The following SPRING1 variants were observed in gnomAD, a reference collection of about 807,000 sequenced individuals.
SPRING1 encodes the protein SREBF pathway regulator in golgi 1, also known as SREBP regulating gene protein.
A neutral mutation model predicts 24.7 loss-of-function variants in SPRING1; 14 were observed. That is an observed-to-expected ratio of 0.57 (90% CI 0.37 to 0.88). The LOEUF (loss-of-function observed/expected upper bound fraction) is 0.88. SPRING1 is among the 40% of genes least tolerant of loss of function. SPRING1 has a pLI of 0.00. For synonymous variants in SPRING1, 93 were observed against 106.1 expected, an observed-to-expected ratio of 0.88 and a Z score of 0.76; for missense variants, 255 against 268.4, an observed-to-expected ratio of 0.95 and a Z score of 0.35.
At chr12:116,726,195 A>G (rs11068165) in intron 1 of SPRING1, among the ~76,000 whole-genome samples, 231 of 152,326 alleles carry the variant, frequency 1.5e-3, no homozygotes, top group Non-Finnish European at 2.6e-3. Flanking sequence ...TAGTAAACAC[A>G]TCCTCTATAG....
At chr12:116,731,628 T>C (rs1182840873) in intron 1 of SPRING1, among the ~76,000 whole-genome samples, 1 of 152,096 alleles carries the variant, frequency 6.6e-6, no homozygotes, top group African/African-American at 2.4e-5. Context: ...CCCACGCCTG[T>C]AGTCCCAACT....
rs756449948 is a variant in SPRING1, at chr12:116,712,972, A to C, written c.*4838T>G. 2.6e-5 allele frequency: 4 copies of C among 152,432 alleles called. No homozygotes were observed. The highest frequency in any genetic ancestry group is 5.9e-5 in the Non-Finnish European group (4 of 68,236). The allele number at this position is 152,432 out of a possible 1,614,324, so 9.4% of individuals were successfully genotyped here. A position where few individuals can be genotyped will look rare whatever the true frequency, so the allele number is the denominator to read the frequency against. ...AAAGCAAGGGCGGGGAAAAATAATG[A>C]AGTCAGCACTCAGCTACCAGGAGCT... On this transcript the variant is annotated 3_prime_UTR_variant, in exon 5 of 5. Transcript: ENST00000261318.
rs556888897 is a variant in SPRING1, at chr12:116,730,812, C to T, written c.111+6978G>A. Among the ~76,000 whole-genome samples, 7 of 152,364 alleles carry T rather than the reference C, an allele frequency of 4.6e-5. No individual in the cohort carries two copies. In the East Asian group the frequency reaches 1.3e-3, roughly 29 times the overall value. On this transcript the variant is annotated intron_variant, in intron 1 of 4. Transcript: ENST00000261318. ...AGTTACAAGCTAAGCGTAGCAGATACGCATTTTCCAAAATTCTAATTTTCA... is the reference window on the plus strand; with the variant it reads ...AGTTACAAGCTAAGCGTAGCAGATATGCATTTTCCAAAATTCTAATTTTCA...
At position 116,728,525 on chromosome 12, in the gene SPRING1, A is replaced by G. The variant is rs1002573799; in HGVS notation, c.112-5302T>C. On this transcript the variant is annotated intron_variant, in intron 1 of 4. Coordinates refer to ENST00000261318, the MANE Select transcript of SPRING1 (RefSeq NM_024738.4). The surrounding 1 kb of genome is among the most constrained non-coding windows in gnomAD (Gnocchi z 4.2). ...ATCTCTACAATTTAAGTTATCCCCC[A>G]TAGCATTAATTAACATGAAAACCAA... is the stretch of plus-strand genomic sequence containing the variant. 5.3e-5 allele frequency among the ~76,000 whole-genome samples: 8 copies of G among 152,210 alleles called. No homozygotes were observed. Among genetic ancestry groups the G allele is most frequent in the African/African-American group, 2.4e-5 (1 of 41,456 alleles).
chr12:116,734,553 T>C (rs1871139328), intron 1 of SPRING1, among the ~76,000 whole-genome samples: 1 of 152,198 alleles, frequency 6.6e-6, no homozygotes, highest in Admixed American at 6.5e-5. Context: ...AAGACTCACT[T>C]GTTTGTTCAA....
At position 116,713,568 on chromosome 12, in the gene SPRING1, T is replaced by C. The variant is rs904208457; in HGVS notation, c.*4242A>G. The C allele has an allele frequency of 2.6e-5, 4 of 152,226 alleles. No individual in the cohort carries two copies. Among genetic ancestry groups the C allele is most frequent in the African/African-American group, 9.6e-5 (4 of 41,458 alleles). The allele number at this position is 152,226 out of a possible 1,614,324, so 9.4% of individuals were successfully genotyped here. A position where few individuals can be genotyped will look rare whatever the true frequency, so the allele number is the denominator to read the frequency against. On this transcript the variant is annotated 3_prime_UTR_variant, in exon 5 of 5. Transcript: ENST00000261318. ...GACACTTCCATACACACTAGGTGAA[T>C]ATATTGGTGAAAATAGTTCAGATAA...
intron 1 of SPRING1, among the ~76,000 whole-genome samples, chr12:116,724,442 G>A (rs1318696056): frequency 6.6e-6 from 1 of 152,298 alleles, no homozygotes; most frequent in East Asian, 1.9e-4. Flanking sequence ...CCTGCCGGGT[G>A]TGGTGGCTCA....
intron 1 of SPRING1, among the ~76,000 whole-genome samples, chr12:116,723,629 A>G (rs770731041): frequency 7.2e-5 from 11 of 152,268 alleles, no homozygotes; most frequent in Non-Finnish European, 1.6e-4. Context: ...CACTTTTTAA[A>G]GAGCAGAAGA....
At chr12:116,736,165 C>T (rs1262194734) in intron 1 of SPRING1, among the ~76,000 whole-genome samples, 1 of 145,946 alleles carries the variant, frequency 6.9e-6, no homozygotes, top group African/African-American at 2.5e-5. Context: ...TTGGGGATTT[C>T]TGGACAGATC....
Position 116,720,246 on chromosome 12 carries a change from A to C in SPRING1, c.420+50T>G, listed in dbSNP as rs576717796. On this transcript the variant is annotated intron_variant, in intron 3 of 4. Coordinates refer to ENST00000261318, the MANE Select transcript of SPRING1 (RefSeq NM_024738.4). The surrounding 1 kb of genome is among the most constrained non-coding windows in gnomAD (Gnocchi z 4.0). ...AAGAGCCTAATGCTCATCATAAAAC[A>C]GAGGCCGAAAGAAAAAAGGAGCCGC... 6.5e-5 allele frequency: 101 copies of C among 1,551,482 alleles called. 1 individual carries two copies. In the South Asian group the frequency reaches 1.2e-3, roughly 18 times the overall value.
intron 1 of SPRING1, among the ~76,000 whole-genome samples, chr12:116,726,247 G>GC (rs1870681921): frequency 6.6e-6 from 1 of 152,152 alleles, no homozygotes; most frequent in African/African-American, 2.4e-5. Flanking sequence ...AGATAATACT[G>GC]CAATAAAATG....
intron 1 of SPRING1, among the ~76,000 whole-genome samples, chr12:116,734,420 G>A (rs1219631765): frequency 6.6e-6 from 1 of 152,184 alleles, no homozygotes; most frequent in Non-Finnish European, 1.5e-5. Flanking sequence ...AAATGAAGAT[G>A]ATGTATCAGG....
At chr12:116,719,250 T>C (rs967868221) in intron 4 of SPRING1, among the ~76,000 whole-genome samples, 2 of 152,236 alleles carry the variant, frequency 1.3e-5, no homozygotes, top group African/African-American at 4.8e-5. Context: ...AAGCATTTAA[T>C]GACAGCACGC....
In SPRING1 at chr12:116,737,164, G is replaced by C. The variant is rs548301539; in HGVS notation, c.111+626C>G. On this transcript the variant is annotated intron_variant, in intron 1 of 4. Transcript: ENST00000261318. ...CTAGTCCCAGCTCTGCCCTGGCCTA[G>C]CAACCCCTTCCCGCTGCAGGGACCA... is the stretch of plus-strand genomic sequence containing the variant. Among the ~76,000 whole-genome samples, 20 of 152,306 alleles carry C rather than the reference G, an allele frequency of 1.3e-4. 1 individual carries two copies. In the South Asian group the frequency reaches 3.7e-3, roughly 28 times the overall value.
intron 1 of SPRING1, 129 bp downstream of exon 1, chr12:116,737,661 G>T (rs1871332443): frequency 7.5e-6 from 8 of 1,071,492 alleles, no homozygotes; most frequent in South Asian, 2.4e-5. Context: ...AAGAAAGGAA[G>T]GGAAGGGGTA....
At position 116,728,332 on chromosome 12, in the gene SPRING1, G is replaced by A. The variant is rs1174688283; in HGVS notation, c.112-5109C>T. Among the ~76,000 whole-genome samples the A allele has an allele frequency of 1.3e-5, 2 of 152,134 alleles. No homozygotes were observed. Among genetic ancestry groups the A allele is most frequent in the Non-Finnish European group, 2.9e-5 (2 of 68,028 alleles). On this transcript the variant is annotated intron_variant, in intron 1 of 4. Coordinates refer to ENST00000261318, the MANE Select transcript of SPRING1 (RefSeq NM_024738.4). This position sits in a 1 kb window ranked among gnomAD's most constrained non-coding sequence, Gnocchi z 4.2. ...ATATAGGCTCTTGGAGGGGAGAGAC[G>A]TCATCTGCTTTGCCCACTCTGTCTC... is the stretch of plus-strand genomic sequence containing the variant.
At chr12:116,722,453 G>A (rs1191859689) in intron 2 of SPRING1, among the ~76,000 whole-genome samples, 1 of 152,168 alleles carries the variant, frequency 6.6e-6, no homozygotes, top group Non-Finnish European at 1.5e-5. Context: ...TGAACTCCAA[G>A]TCAATGTCTG....
rs188256427 is a variant in SPRING1 at position 116,732,888 on chromosome 12, C to G, written c.111+4902G>C. 2.5e-4 allele frequency among the ~76,000 whole-genome samples: 38 copies of G among 152,284 alleles called. No individual in the cohort carries two copies. In the East Asian group the frequency reaches 6.8e-3, roughly 27 times the overall value. ...CACAAAGAAACAGTAGCCCTAAGCA[C>G]AAGGAATTCCTACAAAGTGACAGAG... is the stretch of plus-strand genomic sequence containing the variant. On this transcript the variant is annotated intron_variant, in intron 1 of 4. Coordinates refer to ENST00000261318, the MANE Select transcript of SPRING1 (RefSeq NM_024738.4).
In SPRING1 at chr12:116,720,671, C is replaced by A. The variant is rs1195416457; in HGVS notation, c.269-224G>T. Among the ~76,000 whole-genome samples, 1 of 152,152 alleles carries A rather than the reference C, an allele frequency of 6.6e-6. No homozygotes were observed. Among genetic ancestry groups the A allele is most frequent in the African/African-American group, 2.4e-5 (1 of 41,436 alleles). On this transcript the variant is annotated intron_variant, in intron 2 of 4. Transcript: ENST00000261318. The surrounding 1 kb of genome is among the most constrained non-coding windows in gnomAD (Gnocchi z 4.0). ...ACTCCCCTGTTATCGCCAGGCTACA[C>A]GTCGGAACCTACCTACACCTACTGT...
Sources: allele counts gnomAD v4.1 joint callset (sites outside exome capture counted in the v4.1 genomes callset), GRCh38; gene constraint gnomAD v4.1.1; non-coding constraint Gnocchi (gnomAD v3.1); transcripts MANE v1.5; gene names NCBI Gene and HGNC (gene_info 2026-07-23, HGNC 2026-07-21).